The following LRP1B variants were observed in gnomAD, a reference collection of about 807,000 sequenced individuals.
LRP1B encodes LDL receptor related protein 1B, also known as low-density lipoprotein receptor-related protein 1B.
A neutral mutation model predicts 556.6 loss-of-function variants in LRP1B; 217 were observed. The ratio of observed to expected loss-of-function variants is 0.39; its 90% confidence interval spans 0.35 to 0.44. The LOEUF (loss-of-function observed/expected upper bound fraction) is 0.44. Among genes scored for constraint, LRP1B ranks in the 20% least tolerant of loss-of-function variants. The pLI is 1.00. For synonymous variants in LRP1B, 2,047 were observed against 1,865.8 expected, an observed-to-expected ratio of 1.10 and a Z score of -2.50; for missense variants, 5,053 against 5,620.8, an observed-to-expected ratio of 0.90 and a Z score of 3.23.
chr2:141,029,426 T>A (rs909440327), intron 11 of LRP1B, among the ~76,000 whole-genome samples: 1 of 152,136 alleles, frequency 6.6e-6, no homozygotes, highest in Non-Finnish European at 1.5e-5. Context: ...GTAAGGCTTA[T>A]TTCTCTTTTG....
chr2:142,107,121 T>C (rs1706773685), intron 1 of LRP1B, among the ~76,000 whole-genome samples: 1 of 152,152 alleles, frequency 6.6e-6, no homozygotes, highest in Non-Finnish European at 1.5e-5. Flanking sequence ...TTTCACAATA[T>C]AAAAATTGAC....
At chr2:140,593,976 T>G (rs1273833827) in intron 43 of LRP1B, among the ~76,000 whole-genome samples, 1 of 150,932 alleles carries the variant, frequency 6.6e-6, no homozygotes, top group African/African-American at 2.4e-5. Context: ...CCATGACACA[T>G]CATGTTAATT....
chr2:142,011,872 T>C (rs973190495), intron 1 of LRP1B, among the ~76,000 whole-genome samples: 2 of 152,154 alleles, frequency 1.3e-5, no homozygotes, highest in Non-Finnish European at 2.9e-5. Flanking sequence ...TGTTTTGTTT[T>C]TAGGTGAGAG....
At chr2:142,010,525 A>G (rs1057451686) in intron 1 of LRP1B, among the ~76,000 whole-genome samples, 1 of 135,734 alleles carries the variant, frequency 7.4e-6, no homozygotes, top group African/African-American at 2.8e-5. Flanking sequence ...ACTGCACTCC[A>G]GGCTGGGCGA....
At chr2:141,349,458 G>A (rs1283761291) in intron 3 of LRP1B, among the ~76,000 whole-genome samples, 2 of 152,024 alleles carry the variant, frequency 1.3e-5, no homozygotes, top group African/African-American at 2.4e-5. Flanking sequence ...TGGAATAGGG[G>A]CTCTCAATCT....
At position 141,643,892 on chromosome 2, in the gene LRP1B, G is replaced by A. The variant is rs75487556; in HGVS notation, c.206-163359C>T. ...TGAGAACAGTAATATTAATAACAGC[G>A]ACCTTATAGGGCTGCTGCAAGGATT... On this transcript the variant is annotated intron_variant, in intron 2 of 90. Transcript: ENST00000389484. Among the ~76,000 whole-genome samples, 31 of 152,030 alleles carry A rather than the reference G, an allele frequency of 2.0e-4. 1 individual carries two copies. In the East Asian group the frequency reaches 6.0e-3, roughly 29 times the overall value.
intron 68 of LRP1B, among the ~76,000 whole-genome samples, chr2:140,375,025 A>T (rs1112472): frequency 1.3e-5 from 2 of 152,044 alleles, no homozygotes; most frequent in Non-Finnish European, 2.9e-5. Context: ...TGAAGAAAAC[A>T]AGTCAGTTAT....
chr2:140,332,002 T>C (rs926437576), intron 79 of LRP1B, among the ~76,000 whole-genome samples: 1 of 151,932 alleles, frequency 6.6e-6, no homozygotes, highest in South Asian at 2.1e-4. Context: ...CAGCCAATCT[T>C]TTGATTTTCT....
chr2:141,069,817 T>C (rs1198884590), intron 7 of LRP1B, among the ~76,000 whole-genome samples: 3 of 152,190 alleles, frequency 2.0e-5, no homozygotes, highest in Non-Finnish European at 4.4e-5. Flanking sequence ...TTTATTATTA[T>C]TATACTTTAA....
At chr2:140,317,553 G>A (rs778212973) in intron 82 of LRP1B, among the ~76,000 whole-genome samples, 4 of 152,126 alleles carry the variant, frequency 2.6e-5, no homozygotes, top group Non-Finnish European at 5.9e-5. Context: ...ATGTAAGTGG[G>A]AATCTCCAGC....
intron 11 of LRP1B, among the ~76,000 whole-genome samples, chr2:141,045,970 A>G (rs1229691844): frequency 6.6e-6 from 1 of 152,106 alleles, no homozygotes; most frequent in Non-Finnish European, 1.5e-5. Context: ...AACAATGGAC[A>G]ATTTCCTTTC....
chr2:141,914,497 C>T (rs971518964), intron 1 of LRP1B, among the ~76,000 whole-genome samples: 8 of 152,016 alleles, frequency 5.3e-5, no homozygotes, highest in Non-Finnish European at 8.8e-5. Context: ...TGGAAGTCCT[C>T]GTCAGATAAA....
At chr2:141,100,166 C>A (rs781485232) in intron 7 of LRP1B, among the ~76,000 whole-genome samples, 1 of 152,180 alleles carries the variant, frequency 6.6e-6, no homozygotes, top group African/African-American at 2.4e-5. Flanking sequence ...ACTTTAATAG[C>A]TCACAGGGGG....
intron 2 of LRP1B, among the ~76,000 whole-genome samples, chr2:141,582,149 T>A (rs1686975137): frequency 6.6e-6 from 1 of 152,168 alleles, no homozygotes; most frequent in African/African-American, 2.4e-5. Context: ...CATAATAGGT[T>A]TTTATTTTTT....
chr2:140,549,274 C>A (rs1170547431), intron 43 of LRP1B, among the ~76,000 whole-genome samples: 2 of 152,046 alleles, frequency 1.3e-5, no homozygotes, highest in Admixed American at 1.3e-4. Context: ...CTTTGGGTAG[C>A]TGAGAATTTT....
intron 1 of LRP1B, among the ~76,000 whole-genome samples, chr2:141,988,018 C>T (rs547876349): frequency 6.6e-6 from 1 of 151,904 alleles, no homozygotes; most frequent in Admixed American, 6.6e-5. Flanking sequence ...TAGAGTAAAT[C>T]AGATCAATGT....
intron 11 of LRP1B, among the ~76,000 whole-genome samples, chr2:141,035,773 T>C (rs1196936461): frequency 6.6e-6 from 1 of 152,162 alleles, no homozygotes; most frequent in Non-Finnish European, 1.5e-5. Context: ...AATGAGCTTA[T>C]TGAAAGTAGA....
chr2:140,232,744 A>G lies in LRP1B; in HGVS notation c.*442T>C. On this transcript the variant is annotated 3_prime_UTR_variant, in exon 91 of 91. Coordinates refer to ENST00000389484, the MANE Select transcript of LRP1B (RefSeq NM_018557.3). ...ATGGGCACAAAGAAGAGAGTTGACC[A>G]TTCAATCATTTTTCCATCAATTTAA... The G allele has an allele frequency of 6.6e-6, 1 of 152,000 alleles. No homozygotes were observed. Among genetic ancestry groups the G allele is most frequent in the East Asian group, 2.0e-4 (1 of 5,104 alleles). The allele number at this position is 152,000 out of a possible 1,614,324, so 9.4% of individuals were successfully genotyped here.
chr2:141,585,383 ACAAAT>A (rs1687100957), intron 2 of LRP1B, among the ~76,000 whole-genome samples: 1 of 151,784 alleles, frequency 6.6e-6, no homozygotes, highest in Non-Finnish European at 1.5e-5. Flanking sequence ...TTAGTAGGCA[ACAAAT>A]GTAAAGAAGT....
Sources: gnomAD v4.1 joint callset for allele counts (sites outside exome capture counted in the v4.1 genomes callset) on GRCh38, gnomAD v4.1.1 for gene constraint, MANE v1.5 for transcripts, NCBI Gene and HGNC (gene_info 2026-07-23, HGNC 2026-07-21) for gene names.